Variants in EXOC4 observed in about 807,000 individuals in gnomAD.
EXOC4 encodes the protein exocyst complex component 4.
Under a neutral mutation model 107.2 loss-of-function variants are expected in EXOC4, and 71 were observed. That is an observed-to-expected ratio of 0.66 (90% CI 0.55 to 0.81). The LOEUF is 0.81. Ranked by LOEUF, EXOC4 falls within the 30% of genes least tolerant of loss-of-function variation. The probability of loss-of-function intolerance (pLI) is 0.00; values close to 1 mark genes in which losing one functional copy is unlikely to be tolerated. For synonymous variants in EXOC4, 456 were observed against 441.2 expected (o/e 1.03, Z -0.42); for missense variants, 1,108 against 1,189.6 (o/e 0.93, Z 1.01).
intron 10 of EXOC4, among the ~76,000 whole-genome samples, chr7:133,634,667 T>G (rs1413622813): frequency 6.6e-6 from 1 of 152,060 alleles, no homozygotes; most frequent in Non-Finnish European, 1.5e-5. Context: ...TATGTTTTAG[T>G]AGAGACAGGG....
intron 7 of EXOC4, among the ~76,000 whole-genome samples, chr7:133,401,389 A>C (rs185227899): frequency 6.6e-5 from 10 of 152,002 alleles, no homozygotes; most frequent in African/African-American, 2.4e-4. Context: ...TTAGAGGATG[A>C]CTGGGTTCAT....
At chr7:133,529,479 A>G (rs1354284845) in intron 9 of EXOC4, among the ~76,000 whole-genome samples, 6 of 152,184 alleles carry the variant, frequency 3.9e-5, no homozygotes, top group Admixed American at 2.0e-4. Context: ...GCTTAGTCCT[A>G]TTACTCCATT....
At chr7:133,614,003 C>T (rs1160174165) in intron 9 of EXOC4, among the ~76,000 whole-genome samples, 1 of 151,986 alleles carries the variant, frequency 6.6e-6, no homozygotes, top group Non-Finnish European at 1.5e-5. Context: ...GAAGTTTGGC[C>T]TAAAAAATGT....
At chr7:133,484,285 T>A in intron 9 of EXOC4, 1 of 1,070,254 alleles carries the variant, frequency 9.3e-7, no homozygotes, top group South Asian at 2.0e-5. Flanking sequence ...CTGTTGGCAG[T>A]TGGGCTGCGG....
At chr7:133,413,655 T>C (rs1797411079) in intron 7 of EXOC4, among the ~76,000 whole-genome samples, 1 of 152,146 alleles carries the variant, frequency 6.6e-6, no homozygotes, top group Non-Finnish European at 1.5e-5. Flanking sequence ...GTCTGGACTT[T>C]GCTGGAAGCG....
At chr7:133,441,850 G>A (rs185147644) in intron 7 of EXOC4, among the ~76,000 whole-genome samples, 2 of 152,308 alleles carry the variant, frequency 1.3e-5, no homozygotes, top group African/African-American at 4.8e-5. Context: ...GTGTGTGTAT[G>A]TGTGCATGCA....
chr7:134,013,018 A>T (rs1266431907), intron 17 of EXOC4, among the ~76,000 whole-genome samples: 5 of 152,338 alleles, frequency 3.3e-5, no homozygotes, highest in African/African-American at 1.2e-4. Context: ...GCATTCCTTT[A>T]TCTTTCATAC....
intron 14 of EXOC4, among the ~76,000 whole-genome samples, chr7:133,957,573 G>A (rs1388165181): frequency 6.6e-6 from 1 of 152,128 alleles, no homozygotes; most frequent in Non-Finnish European, 1.5e-5. Flanking sequence ...TTCCTGTGTT[G>A]ACCATTTGGA....
At chr7:133,818,912 C>T (rs571704473) in intron 11 of EXOC4, among the ~76,000 whole-genome samples, 1 of 152,066 alleles carries the variant, frequency 6.6e-6, no homozygotes, top group Non-Finnish European at 1.5e-5. Context: ...TCATGGAGGC[C>T]CCCTTGCCAG....
intron 10 of EXOC4, among the ~76,000 whole-genome samples, chr7:133,700,790 C>T (rs901340358): frequency 1.3e-5 from 2 of 151,748 alleles, no homozygotes; most frequent in African/African-American, 4.8e-5. Context: ...TTACAGGGAC[C>T]CCTCTCTGTG....
rs111384588 is a variant in EXOC4 at position 133,398,290 on chromosome 7, A to G, written c.1182+23288A>G. Among the ~76,000 whole-genome samples the G allele has an allele frequency of 1.7e-3, 252 of 152,310 alleles. 1 individual carries two copies. The highest frequency in any genetic ancestry group is 5.8e-3 in the African/African-American group (241 of 41,564). On this transcript the variant is annotated intron_variant, in intron 7 of 17. Transcript: ENST00000253861. ...AAGCTATCTCCTCACTCCAGCAATG[A>G]CACAGTTAGTATATATGTTCATAAC...
intron 5 of EXOC4, among the ~76,000 whole-genome samples, chr7:133,343,697 C>T (rs550882048): frequency 3.3e-5 from 5 of 150,308 alleles, no homozygotes; most frequent in East Asian, 2.0e-4. Context: ...GGTGGCTTTT[C>T]GCATCCCTCA....
intron 10 of EXOC4, among the ~76,000 whole-genome samples, chr7:133,724,436 T>G (rs1317490607): frequency 6.6e-6 from 1 of 152,220 alleles, no homozygotes; most frequent in African/African-American, 2.4e-5. Flanking sequence ...GTTCATTTAC[T>G]CAGCACTCAT....
At chr7:133,771,420 C>T (rs1467930264) in intron 10 of EXOC4, 1 of 151,908 alleles carries the variant, frequency 6.6e-6, no homozygotes, top group Non-Finnish European at 1.5e-5. Context: ...TCTTAACCCC[C>T]TAGTTAGAGG....
chr7:133,281,118 A>G (rs1794126342), intron 2 of EXOC4, among the ~76,000 whole-genome samples: 1 of 152,056 alleles, frequency 6.6e-6, no homozygotes, highest in East Asian at 1.9e-4. Flanking sequence ...AACCCGGGGA[A>G]AGAAAGCACA....
intron 7 of EXOC4, among the ~76,000 whole-genome samples, chr7:133,438,732 C>A (rs1236194394): frequency 6.6e-6 from 1 of 152,212 alleles, no homozygotes; most frequent in East Asian, 1.9e-4. Flanking sequence ...CCAGATTTTT[C>A]ATCTCAGAAC....
intron 4 of EXOC4, among the ~76,000 whole-genome samples, chr7:133,316,671 A>C (rs1160003651): frequency 6.6e-6 from 1 of 152,200 alleles, no homozygotes; most frequent in Non-Finnish European, 1.5e-5. Flanking sequence ...CATTAAGATG[A>C]GGGGCTTGGC....
chr7:133,505,478 T>A (rs1371387903), intron 9 of EXOC4, among the ~76,000 whole-genome samples: 1 of 152,184 alleles, frequency 6.6e-6, no homozygotes, highest in Non-Finnish European at 1.5e-5. Flanking sequence ...AATTTTTGGT[T>A]AACTATGACA....
intron 13 of EXOC4, among the ~76,000 whole-genome samples, chr7:133,924,864 G>T (rs1800016579): frequency 6.6e-6 from 1 of 152,170 alleles, no homozygotes; most frequent in African/African-American, 2.4e-5. Context: ...TGTAGAGATG[G>T]CTTGAAAAAC....
Sources: gnomAD v4.1 joint callset for allele counts (sites outside exome capture counted in the v4.1 genomes callset) on GRCh38, gnomAD v4.1.1 for gene constraint, MANE v1.5 for transcripts, NCBI Gene and HGNC (gene_info 2026-07-23, HGNC 2026-07-21) for gene names.